The following ATAD2B variants were observed in gnomAD, a reference collection of about 807,000 sequenced individuals.
ATAD2B encodes ATPase family AAA domain containing 2B.
ATAD2B carries 40 observed loss-of-function variants against 167.6 expected under a neutral mutation model. The ratio of observed to expected loss-of-function variants is 0.24; its 90% CI spans 0.19 to 0.31. The LOEUF is 0.31. Ranked by LOEUF, ATAD2B falls within the 10% of genes least tolerant of loss-of-function variation. The pLI, the probability that ATAD2B is intolerant of heterozygous loss-of-function variation, is 1.00. For missense variants in ATAD2B, 1,242 were observed against 1,757.2 expected (o/e 0.71, Z 5.24); for synonymous variants, 579 against 596.5 (o/e 0.97, Z 0.43).
intron 4 of ATAD2B, 92 bp downstream of exon 4, chr2:23,887,740 T>A: frequency 8.5e-7 from 1 of 1,174,216 alleles, no homozygotes; most frequent in Non-Finnish European, 1.2e-6. Flanking sequence ...CTGTATTGAT[T>A]GCTAAGTCGT....
chr2:23,918,687 C>G lies in ATAD2B; in HGVS notation c.216+7868G>C, dbSNP rs199844108. ...AAGTTGTCTATAAACAGTAGGTATA[C>G]TTACAGTATACAACAGCTGCCACCT... On this transcript the variant is annotated intron_variant, in intron 1 of 27. Coordinates refer to ENST00000238789, the MANE Select transcript of ATAD2B (RefSeq NM_017552.4). Among the ~76,000 whole-genome samples, 332 of 152,226 alleles carry G rather than the reference C, an allele frequency of 2.2e-3. 10 individuals carry two copies. The East Asian group carries it at 0.052, about 24-fold the overall frequency.
intron 13 of ATAD2B, among the ~76,000 whole-genome samples, chr2:23,849,759 C>T (rs1183663120): frequency 1.3e-5 from 2 of 152,142 alleles, no homozygotes; most frequent in South Asian, 2.1e-4. Flanking sequence ...ACCTTGGAGG[C>T]GGAGGTTGCA....
At chr2:23,831,219 C>G (rs1051320017) in intron 14 of ATAD2B, among the ~76,000 whole-genome samples, 6 of 151,994 alleles carry the variant, frequency 3.9e-5, no homozygotes, top group Admixed American at 2.6e-4. Flanking sequence ...TTTTCAGAAT[C>G]CACAAGTACA....
chr2:23,804,107 C>T (rs929981829), intron 18 of ATAD2B, among the ~76,000 whole-genome samples: 1 of 152,166 alleles, frequency 6.6e-6, no homozygotes, highest in Non-Finnish European at 1.5e-5. Flanking sequence ...GTTTCAGCAC[C>T]TGACTCATGC....
At chr2:23,872,416 T>A (rs1283984127) in intron 8 of ATAD2B, 8 of 711,490 alleles carry the variant, frequency 1.1e-5, no homozygotes, top group Non-Finnish European at 2.1e-5. Flanking sequence ...AGAGAGACCA[T>A]CCAAATGTTT....
At chr2:23,704,266 T>C in the ATAD2B span, among the ~76,000 whole-genome samples, 1 of 152,138 alleles carries the variant, frequency 6.6e-6, no homozygotes, top group Non-Finnish European at 1.5e-5. Context: ...TCTGAGGACA[T>C]GAACGATCCT....
chr2:23,850,683 G>A (rs569249221), intron 13 of ATAD2B, among the ~76,000 whole-genome samples: 2 of 152,252 alleles, frequency 1.3e-5, no homozygotes, highest in South Asian at 4.2e-4. Context: ...AAGGGGGGAT[G>A]AATGAATAGA....
intron 12 of ATAD2B, among the ~76,000 whole-genome samples, chr2:23,861,378 C>G (rs886872855): frequency 1.3e-5 from 2 of 150,262 alleles, no homozygotes; most frequent in African/African-American, 4.9e-5. Flanking sequence ...AAACATTTTT[C>G]TGACATAGAA....
chr2:23,740,228 G>C, the ATAD2B span, among the ~76,000 whole-genome samples: 1 of 152,124 alleles, frequency 6.6e-6, no homozygotes, highest in Non-Finnish European at 1.5e-5. Context: ...TGATACCAAA[G>C]CCTGACAGAG....
At chr2:23,707,632 G>C in the ATAD2B span, 1 of 152,150 alleles carries the variant, frequency 6.6e-6, no homozygotes, top group Non-Finnish European at 1.5e-5. Flanking sequence ...GAAGGAGCCC[G>C]GTTCTGGCTC....
rs1687180253 is a variant in ATAD2B at position 23,819,806 on chromosome 2, T to C, written c.2208A>G (p.Gly736=). The C allele has an allele frequency of 6.2e-7, 1 of 1,608,232 alleles. No individual in the cohort carries two copies. Among genetic ancestry groups the C allele is most frequent in the Admixed American group, 1.7e-5 (1 of 59,958 alleles). ...LSIFETNCHS[G]SPKKQSSSAA... ...CAGATGATGACTGTTTCTTTGGTGA[T>C]CCTGAGTGACAATTGGTCTCAAAAA... Residue 736 remains glycine, a synonymous_variant, in exon 17 of 28, where the codon GGA becomes GGG. Transcript: ENST00000238789.
intron 22 of ATAD2B, among the ~76,000 whole-genome samples, chr2:23,768,431 C>T (rs1223623191): frequency 6.6e-6 from 1 of 151,994 alleles, no homozygotes; most frequent in African/African-American, 2.4e-5. Flanking sequence ...ATTAGGCAAG[C>T]ATGGTGGTGC....
intron 22 of ATAD2B, among the ~76,000 whole-genome samples, chr2:23,776,745 C>T (rs917640098): frequency 6.6e-6 from 1 of 152,118 alleles, no homozygotes; most frequent in African/African-American, 2.4e-5. Flanking sequence ...CTGCTGGCAC[C>T]TTAAGACATT....
chr2:23,702,347 A>G, the ATAD2B span, among the ~76,000 whole-genome samples: 7 of 152,248 alleles, frequency 4.6e-5, no homozygotes, highest in African/African-American at 1.7e-4. Flanking sequence ...AAAGCATCTA[A>G]CACAAAGCCT....
intron 18 of ATAD2B, among the ~76,000 whole-genome samples, chr2:23,800,725 T>C (rs1026778460): frequency 1.3e-5 from 2 of 151,988 alleles, no homozygotes; most frequent in South Asian, 2.1e-4. Context: ...TTCTCAAAAT[T>C]AACAAATTGA....
intron 1 of ATAD2B, among the ~76,000 whole-genome samples, chr2:23,899,924 T>A (rs895261347): frequency 7.8e-5 from 11 of 140,300 alleles, no homozygotes; most frequent in Admixed American, 6.4e-4. Context: ...CTTACTTTTT[T>A]TTTTTTTTTT....
chr2:23,891,169 C>T (rs1384163843), intron 2 of ATAD2B, among the ~76,000 whole-genome samples: 2 of 151,754 alleles, frequency 1.3e-5, no homozygotes, highest in Non-Finnish European at 2.9e-5. Flanking sequence ...TACAGGCACC[C>T]GCCATCATGC....
chr2:23,707,275 C>T, the ATAD2B span: 1 of 152,242 alleles, frequency 6.6e-6, no homozygotes, highest in African/African-American at 2.4e-5. Context: ...GGACAGCGGT[C>T]TGTCCTTCAC....
At chr2:23,804,907 C>T (rs1037606370) in intron 18 of ATAD2B, among the ~76,000 whole-genome samples, 41 of 151,978 alleles carry the variant, frequency 2.7e-4, no homozygotes, top group African/African-American at 9.9e-4. Context: ...CTTTGGGAGG[C>T]AGAGGCGGGT....
Sources: gnomAD v4.1 joint callset for allele counts (sites outside exome capture counted in the v4.1 genomes callset) on GRCh38, gnomAD v4.1.1 for gene constraint, MANE v1.5 for transcripts, NCBI Gene and HGNC (gene_info 2026-07-23, HGNC 2026-07-21) for gene names.